The following CPAMD8 variants were observed in gnomAD, a reference collection of about 807,000 sequenced individuals.
CPAMD8 encodes C3 and PZP like alpha-2-macroglobulin domain containing 8, also known as C3 and PZP-like alpha-2-macroglobulin domain-containing protein 8.
Under a neutral mutation model 224.7 loss-of-function variants are expected in CPAMD8, and 146 were observed. The ratio of observed to expected loss-of-function variants is 0.65; its 90% CI spans 0.57 to 0.75. CPAMD8 has a LOEUF of 0.75. CPAMD8 is among the 30% of genes least tolerant of loss of function. The probability of loss-of-function intolerance (pLI) is 0.00; values close to 1 mark genes in which losing one functional copy is unlikely to be tolerated. For missense variants in CPAMD8, 2,301 were observed against 2,537.5 expected, an observed-to-expected ratio of 0.91 and a Z score of 2.00; for synonymous variants, 966 against 1,044.6, an observed-to-expected ratio of 0.92 and a Z score of 1.45.
At chr19:17,021,844 ACT>A (rs1214311529) in intron 2 of CPAMD8, among the ~76,000 whole-genome samples, 184 bp downstream of exon 2, 4 of 152,054 alleles carry the variant, frequency 2.6e-5, no homozygotes, top group African/African-American at 9.7e-5. Flanking sequence ...CCTGGGCTTT[ACT>A]CTCTCTCCAT....
chr19:16,963,520 C>T (rs1487291707), intron 18 of CPAMD8, among the ~76,000 whole-genome samples: 8 of 152,202 alleles, frequency 5.3e-5, no homozygotes, highest in Non-Finnish European at 1.2e-4. Context: ...GCATGCAATA[C>T]AGGAGCACCC....
At chr19:16,947,051 C>T (rs1461310442) in intron 21 of CPAMD8, 23 bp downstream of exon 21, 2 of 1,578,932 alleles carry the variant, frequency 1.3e-6, no homozygotes, top group Non-Finnish European at 1.7e-6. Context: ...GGGGGGACAC[C>T]CCAAGAACTG....
intron 12 of CPAMD8, among the ~76,000 whole-genome samples, chr19:16,990,518 C>T (rs2055901812): frequency 6.6e-6 from 1 of 151,980 alleles, no homozygotes; most frequent in African/African-American, 2.4e-5. Context: ...ATGATCACAC[C>T]ATTGCACTCC....
chr19:17,008,447 G>A (rs543789353), intron 7 of CPAMD8, 58 bp downstream of exon 7: 2 of 1,595,670 alleles, frequency 1.3e-6, no homozygotes, highest in South Asian at 1.1e-5. Flanking sequence ...AGCATATTCT[G>A]TTTTCCTGGA....
chr19:16,919,521 C>T (rs2053089382), intron 27 of CPAMD8, among the ~76,000 whole-genome samples: 1 of 152,236 alleles, frequency 6.6e-6, no homozygotes, highest in Non-Finnish European at 1.5e-5. Flanking sequence ...GCAAAGATCC[C>T]CAGGCAGAAA....
At chr19:17,024,264 T>C (rs1478989000) in intron 1 of CPAMD8, among the ~76,000 whole-genome samples, 9 of 152,210 alleles carry the variant, frequency 5.9e-5, no homozygotes, top group African/African-American at 2.2e-4. Flanking sequence ...CATAGTGTGC[T>C]ACATCTGCCT....
chr19:16,944,123 C>T (rs138795921), intron 22 of CPAMD8, among the ~76,000 whole-genome samples: 1,629 of 152,310 alleles, frequency 0.011, 37 homozygotes, highest in African/African-American at 0.037. Flanking sequence ...GATTCCCCAC[C>T]GGCCCATGCA....
At chr19:16,914,839 AG>A (rs1364340417) in intron 27 of CPAMD8, 26 bp from the exon 28 acceptor site, 1 of 1,560,128 alleles carries the variant, frequency 6.4e-7, no homozygotes, top group South Asian at 1.2e-5. Flanking sequence ...GTGTCAGCTG[AG>A]GGGTTGCAGA....
rs760356652 is a variant in CPAMD8 at position 16,928,009 on chromosome 19, C to G, written c.3370G>C (p.Gly1124Arg). 8.1e-6 allele frequency: 13 copies of G among 1,608,412 alleles called. No homozygotes were observed. Among genetic ancestry groups the G allele is most frequent in the South Asian group, 1.1e-5 (1 of 90,968 alleles). ...GSERATASII[G>R]DVMGPTLNHL... ...AAGCCAGGCTGTGGGACAGACGCAC[C>G]GATGATGGAGGCGGTGGCTCGCTCA... Residue 1124 changes from glycine to arginine, a missense_variant and splice_region_variant, in exon 25 of 42, where the codon GGG becomes CGG. Gly to Arg is a moderately radical substitution (Grantham distance 125). Around this residue, in one of 4 missense-constraint regions of CPAMD8, gnomAD observed 1,709 missense variants for 1,753.2 expected, o/e 0.97. Coordinates refer to ENST00000443236, the MANE Select transcript of CPAMD8 (RefSeq NM_015692.5).
intron 20 of CPAMD8, among the ~76,000 whole-genome samples, chr19:16,949,932 T>C (rs867521585): frequency 6.6e-6 from 1 of 152,142 alleles, no homozygotes; most frequent in Non-Finnish European, 1.5e-5. Flanking sequence ...TGACAATGCT[T>C]CTTTGAGCTT....
Position 17,000,199 on chromosome 19 carries a change from A to C in CPAMD8, c.867+215T>G, listed in dbSNP as rs574061877. ...AAAACAGCGGTGGCTCACACTTGTC[A>C]TCCCAGCACTTTTGGGGGCAAAGGC... On this transcript the variant is annotated intron_variant, in intron 10 of 41. Transcript: ENST00000443236. 1.1e-5 allele frequency: 3 copies of C among 273,736 alleles called. No individual in the cohort carries two copies. The Admixed American group carries it at 1.6e-4, about 15-fold the overall frequency. The allele number at this position is 273,736 out of a possible 1,614,324, so 17.0% of individuals were successfully genotyped here. A position where few individuals can be genotyped will look rare whatever the true frequency, so the allele number is the denominator to read the frequency against.
In CPAMD8 at chr19:16,896,278, G is replaced by C. The variant is rs766923635; in HGVS notation, c.5324C>G (p.Ala1775Gly). 4.3e-6 allele frequency: 7 copies of C among 1,613,260 alleles called. No individual in the cohort carries two copies. The Admixed American group carries it at 1.2e-4, about 27-fold the overall frequency. The change falls in exon 41 of 42, where the codon GCT becomes GGT. Residue 1775 changes from alanine to glycine, a missense_variant. By Grantham distance (60) the Ala-to-Gly change is moderately conservative. Transcript: ENST00000443236. The part of the protein sequence containing the change: ...SSSSTYGDDL[A>G]SVAPGPLQQD... ...CTGTAAAGGCCCCGGGGCCACAGAA[G>C]CCAGGTCATCCCCGTAGGTGGAGGA...
intron 29 of CPAMD8, among the ~76,000 whole-genome samples, chr19:16,912,223 T>C (rs2052755177): frequency 6.6e-6 from 1 of 152,192 alleles, no homozygotes; most frequent in Non-Finnish European, 1.5e-5. Flanking sequence ...ATGGAACAAT[T>C]GTCTTCCACA....
chr19:16,925,369 T>C lies in CPAMD8; in HGVS notation c.3374A>G (p.Asp1125Gly). ...SERATASIIG[D>G]VMGPTLNHLN... ...GTGGTTCAGGGTTGGCCCCATGACGTCCCCTGGTGGGAAGGAGAAGAGAGT... is the reference window on the plus strand; with the variant it reads ...GTGGTTCAGGGTTGGCCCCATGACGCCCCCTGGTGGGAAGGAGAAGAGAGT... Residue 1125 changes from aspartate to glycine, a missense_variant, in exon 26 of 42, where the codon GAC becomes GGC. Transcript: ENST00000443236. 1 of 1,613,464 alleles carries C rather than the reference T, an allele frequency of 6.2e-7. No homozygotes were observed. Among genetic ancestry groups the C allele is most frequent in the Non-Finnish European group, 8.5e-7 (1 of 1,179,540 alleles).
chr19:17,008,127 C>T (rs1314521710), intron 7 of CPAMD8, among the ~76,000 whole-genome samples: 1 of 152,234 alleles, frequency 6.6e-6, no homozygotes, highest in African/African-American at 2.4e-5. Context: ...TGAGATTGTG[C>T]CACTGCACTC....
chr19:16,987,842 T>C (rs2055801634), intron 13 of CPAMD8, among the ~76,000 whole-genome samples: 1 of 151,756 alleles, frequency 6.6e-6, no homozygotes, highest in East Asian at 1.9e-4. Context: ...TGTTTTTGTT[T>C]TGATAGAGAT....
chr19:16,940,795 T>A (rs1428405923), intron 22 of CPAMD8, among the ~76,000 whole-genome samples: 2 of 152,166 alleles, frequency 1.3e-5, no homozygotes, highest in Non-Finnish European at 2.9e-5. Context: ...GGTCATTTGC[T>A]AAGCTAGGGG....
chr19:16,914,927 A>G (rs1294588362), intron 27 of CPAMD8, 114 bp from the exon 28 acceptor site: 1 of 730,492 alleles, frequency 1.4e-6, no homozygotes, highest in Non-Finnish European at 2.3e-6. Flanking sequence ...TTCCTCATCT[A>G]TAAGATGGGA....
At chr19:16,971,614 A>G (rs1375952513) in intron 17 of CPAMD8, among the ~76,000 whole-genome samples, 1 of 152,066 alleles carries the variant, frequency 6.6e-6, no homozygotes, top group African/African-American at 2.4e-5. Context: ...AGTAATTGCT[A>G]CTGGGGATGG....
Sources: gnomAD v4.1 joint callset for allele counts (sites outside exome capture counted in the v4.1 genomes callset) on GRCh38, gnomAD v4.1.1 for gene constraint, gnomAD v4.1.1 regional missense constraint, MANE v1.5 for transcripts, NCBI Gene and HGNC (gene_info 2026-07-23, HGNC 2026-07-21) for gene names.